NUP93: variants seen among roughly 807,000 people sequenced by gnomAD.
NUP93 encodes nuclear pore complex protein Nup93.
NUP93 carries 55 observed loss-of-function variants against 107.8 expected under a neutral mutation model. The observed-to-expected ratio is 0.51, with a 90% confidence interval of 0.41 to 0.64. The LOEUF is 0.64. NUP93 is among the 30% of genes least tolerant of loss of function. The pLI, the probability that NUP93 is intolerant of heterozygous loss-of-function variation, is 0.00. For missense variants in NUP93, 937 were observed against 1,044.7 expected (o/e 0.90, Z 1.42); for synonymous variants, 390 against 397.5 (o/e 0.98, Z 0.22).
intron 1 of NUP93, among the ~76,000 whole-genome samples, chr16:56,738,630 G>T (rs1019521234): frequency 1.6e-4 from 24 of 151,996 alleles, no homozygotes; most frequent in Non-Finnish European, 5.9e-5. Context: ...CTCTCTTCCA[G>T]AGGCATCTGA....
intron 8 of NUP93, 44 bp from the exon 9 acceptor site, chr16:56,828,933 A>C: frequency 6.2e-7 from 1 of 1,600,424 alleles, no homozygotes. Flanking sequence ...ATGTGTAATA[A>C]ATGTTTTCAG....
chr16:56,800,308 C>G (rs911019862), intron 4 of NUP93, among the ~76,000 whole-genome samples: 14 of 151,886 alleles, frequency 9.2e-5, no homozygotes, highest in African/African-American at 3.1e-4. Flanking sequence ...TTTTTTGGTT[C>G]ACACATTAAG....
At chr16:56,760,729 C>T (rs1962110298) in intron 3 of NUP93, among the ~76,000 whole-genome samples, 1 of 152,158 alleles carries the variant, frequency 6.6e-6, no homozygotes, top group East Asian at 1.9e-4. Context: ...CTGGGGATTA[C>T]AGTTCAACAT....
chr16:56,823,011 A>G (rs1366159373), intron 7 of NUP93, among the ~76,000 whole-genome samples: 1 of 152,176 alleles, frequency 6.6e-6, no homozygotes, highest in Non-Finnish European at 1.5e-5. Context: ...GGACTCATAC[A>G]TTTAAAGTAT....
At chr16:56,796,410 T>C (rs1962898843) in intron 3 of NUP93, among the ~76,000 whole-genome samples, 1 of 152,234 alleles carries the variant, frequency 6.6e-6, no homozygotes, top group Non-Finnish European at 1.5e-5. Context: ...TAGTAGGCTA[T>C]ACCATCTAGG....
chr16:56,846,120 G>C lies in NUP93; in HGVS notation c.*1511G>C, dbSNP rs186527866. On this transcript the variant is annotated 3_prime_UTR_variant, in exon 22 of 22. Transcript: ENST00000308159. ...TGATTTAATAGTGCTTTTTAAAAAA[G>C]AGTACTCCTGGCCGGGTGGGGTGGC... The C allele has an allele frequency of 1.3e-5, 2 of 152,226 alleles. No homozygotes were observed. The highest frequency in any genetic ancestry group is 2.9e-5 in the Non-Finnish European group (2 of 68,068). The allele number at this position is 152,226 out of a possible 1,614,324, so 9.4% of individuals were successfully genotyped here.
chr16:56,834,193 T>C lies in NUP93; in HGVS notation c.1603T>C (p.Tyr535His). Residue 535 changes from tyrosine to histidine, a missense_variant, in exon 14 of 22, where the codon TAC becomes CAC. Physicochemically the swap from Tyr to His is moderately conservative, Grantham distance 83. Transcript: ENST00000308159. ...RLNFVRLLML[Y>H]TRKFESTDPR... ...GAACTTCGTGCGGCTCCTCATGCTGTACACCCGGAAGTTTGAGTCCACGGA... is the reference window on the plus strand; with the variant it reads ...GAACTTCGTGCGGCTCCTCATGCTGCACACCCGGAAGTTTGAGTCCACGGA... 6.2e-7 allele frequency: 1 copy of C among 1,614,204 alleles called. No homozygotes were observed. Among genetic ancestry groups the C allele is most frequent in the Non-Finnish European group, 8.5e-7 (1 of 1,180,036 alleles).
At chr16:56,766,393 C>T (rs537794037) in intron 3 of NUP93, among the ~76,000 whole-genome samples, 29 of 152,276 alleles carry the variant, frequency 1.9e-4, no homozygotes, top group East Asian at 5.8e-4. Flanking sequence ...CTTAACCTGC[C>T]GATACCAGTG....
At chr16:56,807,496 T>C (rs1785201130) in intron 5 of NUP93, among the ~76,000 whole-genome samples, 2 of 152,238 alleles carry the variant, frequency 1.3e-5, no homozygotes, top group South Asian at 4.1e-4. Context: ...TTGTTTTGTT[T>C]ATTCCTTTAT....
At chr16:56,816,390 T>G (rs961833433) in intron 5 of NUP93, among the ~76,000 whole-genome samples, 2 of 152,180 alleles carry the variant, frequency 1.3e-5, no homozygotes, top group Non-Finnish European at 2.9e-5. Context: ...CCTACCAAGA[T>G]GTCTGCAGGT....
At chr16:56,829,257 TAGG>T (rs751096598) in intron 9 of NUP93, 148 bp downstream of exon 9, 32 of 970,908 alleles carry the variant, frequency 3.3e-5, no homozygotes, top group Non-Finnish European at 4.5e-5. Context: ...AAAGACCTCT[TAGG>T]AGGCTGATAG....
intron 2 of NUP93, 40 bp downstream of exon 2, chr16:56,748,466 T>C: frequency 6.6e-7 from 1 of 1,522,830 alleles, no homozygotes; most frequent in South Asian, 1.2e-5. Flanking sequence ...ACTGGGTGGC[T>C]TGCGGGCAGG....
At chr16:56,812,012 TAGA>T (rs370864564) in intron 5 of NUP93, among the ~76,000 whole-genome samples, 22 of 152,290 alleles carry the variant, frequency 1.4e-4, no homozygotes, top group Middle Eastern at 3.4e-3. Context: ...TGCATATAAA[TAGA>T]GGAGATAATT....
At chr16:56,776,680 A>G (rs1473259510) in intron 3 of NUP93, among the ~76,000 whole-genome samples, 1 of 152,220 alleles carries the variant, frequency 6.6e-6, no homozygotes, top group Non-Finnish European at 1.5e-5. Context: ...ACCATCCCCC[A>G]TGTAATGACT....
At chr16:56,819,915 C>G (rs1963509234) in intron 6 of NUP93, among the ~76,000 whole-genome samples, 1 of 152,156 alleles carries the variant, frequency 6.6e-6, no homozygotes, top group South Asian at 2.1e-4. Flanking sequence ...TCCTTCCAAC[C>G]CCTTTATGTT....
chr16:56,742,655 G>C (rs1413025050), intron 1 of NUP93, among the ~76,000 whole-genome samples: 1 of 152,204 alleles, frequency 6.6e-6, no homozygotes, highest in Non-Finnish European at 1.5e-5. Flanking sequence ...ACTAGAAACT[G>C]GGCAAGTGTT....
At chr16:56,748,496 C>A in intron 2 of NUP93, 70 bp downstream of exon 2, 1 of 1,336,262 alleles carries the variant, frequency 7.5e-7, no homozygotes, top group Non-Finnish European at 1.0e-6. Flanking sequence ...TTCTTTCCTG[C>A]CTTGAATTCA....
chr16:56,781,978 G>A, intron 3 of NUP93: 1 of 985,340 alleles, frequency 1.0e-6, no homozygotes, highest in Non-Finnish European at 1.2e-6. Flanking sequence ...TGACTCTTTA[G>A]TGCTTCAGTC....
intron 1 of NUP93, among the ~76,000 whole-genome samples, chr16:56,733,942 A>G (rs1213450529): frequency 1.3e-5 from 2 of 152,212 alleles, no homozygotes; most frequent in Non-Finnish European, 2.9e-5. Context: ...AAATTCCTAC[A>G]TTGATCTGTT....
Sources: allele counts gnomAD v4.1 joint callset (sites outside exome capture counted in the v4.1 genomes callset), GRCh38; gene constraint gnomAD v4.1.1; transcripts MANE v1.5; gene names NCBI Gene and HGNC (gene_info 2026-07-23, HGNC 2026-07-21).